The following IPCEF1 variants were observed in gnomAD, a reference collection of about 807,000 sequenced individuals.
IPCEF1 encodes the protein interactor protein for cytohesin exchange factors 1.
In IPCEF1, 31 loss-of-function variants were observed where a neutral mutation model predicts 50.9. The ratio of observed to expected loss-of-function variants is 0.61; its 90% CI spans 0.46 to 0.82. The LOEUF is 0.82. Ranked by LOEUF, IPCEF1 falls within the 40% of genes least tolerant of loss-of-function variation. The probability of loss-of-function intolerance (pLI) is 0.00; values close to 1 mark genes in which losing one functional copy is unlikely to be tolerated. For missense variants in IPCEF1, 458 were observed against 514.0 expected (o/e 0.89, Z 1.05); for synonymous variants, 181 against 192.0 (o/e 0.94, Z 0.47).
chr6:154,169,597 G>C (rs758154054), intron 10 of IPCEF1, among the ~76,000 whole-genome samples: 16 of 152,184 alleles, frequency 1.1e-4, no homozygotes, highest in Non-Finnish European at 1.5e-4. Context: ...TTGGAGAGAA[G>C]AAACCTGTCT....
At chr6:154,294,061 G>A (rs1782577273) in intron 1 of IPCEF1, among the ~76,000 whole-genome samples, 1 of 152,072 alleles carries the variant, frequency 6.6e-6, no homozygotes, top group South Asian at 2.1e-4. Flanking sequence ...CTTTGAACAT[G>A]AGTTCAAAAC....
intron 3 of IPCEF1, among the ~76,000 whole-genome samples, chr6:154,264,664 G>T (rs944567756): frequency 6.7e-6 from 1 of 149,338 alleles, no homozygotes; most frequent in South Asian, 2.1e-4. Flanking sequence ...GTGAACTACC[G>T]TACCCAGCCA....
chr6:154,260,210 CTT>C (rs1781561408), intron 3 of IPCEF1, among the ~76,000 whole-genome samples: 1 of 152,200 alleles, frequency 6.6e-6, no homozygotes, highest in African/African-American at 2.4e-5. Context: ...CAGCAAATAA[CTT>C]AACCACAGTA....
chr6:154,307,803 T>A (rs557161537), intron 1 of IPCEF1, among the ~76,000 whole-genome samples: 37 of 152,296 alleles, frequency 2.4e-4, no homozygotes, highest in African/African-American at 8.4e-4. Context: ...CAAACACTCA[T>A]CAAAAACAGA....
chr6:154,298,185 T>A (rs575954713), intron 1 of IPCEF1, among the ~76,000 whole-genome samples: 58 of 152,218 alleles, frequency 3.8e-4, no homozygotes, highest in Admixed American at 2.8e-3. Context: ...ATGCAAAGAT[T>A]GTTTCAACTA....
chr6:154,258,764 T>TGAA (rs1781522605), intron 3 of IPCEF1, among the ~76,000 whole-genome samples: 1 of 152,170 alleles, frequency 6.6e-6, no homozygotes, highest in Non-Finnish European at 1.5e-5. Flanking sequence ...TCAAAACCCA[T>TGAA]TCAACACACC....
chr6:154,159,035 G>A lies in IPCEF1; in HGVS notation c.*793C>T, dbSNP rs1360043036. The A allele has an allele frequency of 6.6e-6, 1 of 152,208 alleles. No homozygotes were observed. Among genetic ancestry groups the A allele is most frequent in the Non-Finnish European group, 1.5e-5 (1 of 68,052 alleles). The allele number at this position is 152,208 out of a possible 1,614,324, so 9.4% of individuals were successfully genotyped here. On this transcript the variant is annotated 3_prime_UTR_variant, in exon 12 of 12. Coordinates refer to ENST00000367220, the MANE Select transcript of IPCEF1 (RefSeq NM_001130700.2). ...ATAGGGATCACAGCCAAGGACAAGA[G>A]CAGTAGACATTCTTTGCGGAACATA...
intron 1 of IPCEF1, among the ~76,000 whole-genome samples, chr6:154,355,661 G>A (rs558116782): frequency 6.6e-6 from 1 of 152,002 alleles, no homozygotes; most frequent in African/African-American, 2.4e-5. Context: ...GTTAATTTTT[G>A]TATTTTTAGT....
intron 1 of IPCEF1, among the ~76,000 whole-genome samples, chr6:154,331,863 A>T (rs1435327025): frequency 1.3e-5 from 2 of 152,190 alleles, no homozygotes; most frequent in Admixed American, 6.5e-5. Flanking sequence ...GGGAGGAGAG[A>T]CACAAACCCC....
chr6:154,231,313 T>A (rs1483507105), intron 5 of IPCEF1, among the ~76,000 whole-genome samples: 3 of 152,242 alleles, frequency 2.0e-5, no homozygotes, highest in Non-Finnish European at 4.4e-5. Flanking sequence ...CTGGTGGTAA[T>A]GCAAAATGGA....
At chr6:154,167,792 A>G in intron 11 of IPCEF1, 128 bp downstream of exon 11, 1 of 647,464 alleles carries the variant, frequency 1.5e-6, no homozygotes, top group East Asian at 2.7e-5. Flanking sequence ...TATAAAGGTT[A>G]TATTTACTTT....
At chr6:154,309,227 C>T (rs1021732256) in intron 1 of IPCEF1, among the ~76,000 whole-genome samples, 1 of 152,172 alleles carries the variant, frequency 6.6e-6, no homozygotes, top group Non-Finnish European at 1.5e-5. Context: ...ATTACATGGT[C>T]TCAGAACGCC....
chr6:154,160,255 AGTGG>A (rs1020293747), intron 11 of IPCEF1, among the ~76,000 whole-genome samples: 46 of 152,366 alleles, frequency 3.0e-4, no homozygotes, highest in African/African-American at 1.1e-3. Context: ...CCCAAGAGTT[AGTGG>A]AAGAGCTAGA....
rs1323867037 is a variant in IPCEF1, at chr6:154,157,599, A to C, written c.*2229T>G. 1 of 152,242 alleles carries C rather than the reference A, an allele frequency of 6.6e-6. No individual in the cohort carries two copies. 9.4% of individuals were successfully genotyped at this position (152,242 alleles called of 1,614,324 possible). On this transcript the variant is annotated 3_prime_UTR_variant, in exon 12 of 12. Transcript: ENST00000367220. ...GAAATATGTCTTCACGAAAAGCCAAAGGAAAGCATTCAAAGCTATTCACAA... is the reference window on the plus strand; with the variant it reads ...GAAATATGTCTTCACGAAAAGCCAACGGAAAGCATTCAAAGCTATTCACAA...
At chr6:154,170,743 A>G (rs1799806733) in intron 10 of IPCEF1, among the ~76,000 whole-genome samples, 2 of 152,234 alleles carry the variant, frequency 1.3e-5, no homozygotes. Flanking sequence ...CCATCATGAG[A>G]TGTCCCTTCA....
chr6:154,282,517 C>T (rs1782246797), intron 2 of IPCEF1, among the ~76,000 whole-genome samples: 1 of 151,986 alleles, frequency 6.6e-6, no homozygotes, highest in South Asian at 2.1e-4. Context: ...CCTATCTCTA[C>T]TAAAAACACA....
chr6:154,291,174 G>A (rs2128669190), intron 1 of IPCEF1, among the ~76,000 whole-genome samples: 1 of 152,284 alleles, frequency 6.6e-6, no homozygotes, highest in South Asian at 2.1e-4. Flanking sequence ...TTACAGGCAT[G>A]AGCCACTGCA....
intron 6 of IPCEF1, chr6:154,222,855 G>T: frequency 2.9e-6 from 1 of 346,070 alleles, no homozygotes; most frequent in Non-Finnish European, 5.5e-6. Context: ...TTCTTTAGTA[G>T]AACCGAAGCT....
Position 154,240,519 on chromosome 6 carries a change from G to C in IPCEF1, c.246+6072C>G, listed in dbSNP as rs192387555. Among the ~76,000 whole-genome samples, 410 of 127,864 alleles carry C rather than the reference G, an allele frequency of 3.2e-3. 2 individuals are homozygous for C. Among genetic ancestry groups the C allele is most frequent in the African/African-American group, 0.011 (400 of 35,534 alleles). The allele number at this position is 127,864 out of a possible 152,430, so 83.9% of individuals were successfully genotyped here. A position where few individuals can be genotyped will look rare whatever the true frequency, so the allele number is the denominator to read the frequency against. ...TTAATCTGTTCTTTATTTTTCTTGA[G>C]CTGAAAAAAAAAAAGGTACTCTATA... On this transcript the variant is annotated intron_variant, in intron 5 of 11. Coordinates refer to ENST00000367220, the MANE Select transcript of IPCEF1 (RefSeq NM_001130700.2).
Sources: gnomAD v4.1 joint callset for allele counts (sites outside exome capture counted in the v4.1 genomes callset) on GRCh38, gnomAD v4.1.1 for gene constraint, MANE v1.5 for transcripts, NCBI Gene and HGNC (gene_info 2026-07-23, HGNC 2026-07-21) for gene names.